ERCC4: variants seen among roughly 807,000 people sequenced by gnomAD.
The protein encoded by ERCC4 is DNA repair endonuclease XPF.
A neutral mutation model predicts 76.9 loss-of-function variants in ERCC4; 65 were observed. The observed-to-expected ratio is 0.84, with a 90% CI of 0.69 to 1.04. ERCC4 has a LOEUF of 1.04. Among genes scored for constraint, ERCC4 ranks in the 50% least tolerant of loss-of-function variants. The pLI is 0.00. For missense variants in ERCC4, 1,214 were observed against 1,128.2 expected, an observed-to-expected ratio of 1.08 and a Z score of -1.09; for synonymous variants, 463 against 410.1, an observed-to-expected ratio of 1.13 and a Z score of -1.56.
rs533954045 is a variant in ERCC4 at position 13,928,013 on chromosome 16, T to C, written c.585-15T>C. ...GAAACTCTAGAAAATTGTTGAAAAA[T>C]ATTTGTCTCTTTAGGTTCCATGTAG... On this transcript the variant is annotated splice_polypyrimidine_tract_variant and intron_variant, in intron 3 of 10. Transcript: ENST00000311895. The C allele has an allele frequency of 1.3e-6, 2 of 1,598,528 alleles. No individual in the cohort carries two copies. The highest frequency in any genetic ancestry group is 2.2e-5 in the South Asian group (2 of 90,678).
intron 2 of ERCC4, among the ~76,000 whole-genome samples, chr16:13,925,616 G>T (rs1028926398): frequency 6.6e-6 from 1 of 152,172 alleles, no homozygotes; most frequent in Non-Finnish European, 1.5e-5. Context: ...ATAAATCACT[G>T]TTAGTATTAT....
chr16:13,948,121 A>G lies in ERCC4; in HGVS notation c.2525A>G (p.Glu842Gly), dbSNP rs1184139870. 2 of 1,614,204 alleles carry G rather than the reference A, an allele frequency of 1.2e-6. No homozygotes were observed. Among genetic ancestry groups the G allele is most frequent in the South Asian group, 1.1e-5 (1 of 91,080 alleles). ...GATTCTGAAACCCTTCCCGAGTCAG[A>G]GAAGTATAATCCTGGTCCCCAAGAC... ...TADSETLPES[E>G]KYNPGPQDFL... Residue 842 changes from glutamate to glycine, a missense_variant, in exon 11 of 11, where the codon GAG (glutamate) becomes GGG (glycine). Transcript: ENST00000311895.
intron 5 of ERCC4, 103 bp downstream of exon 5, chr16:13,930,993 T>C (rs540691331): frequency 5.4e-4 from 414 of 762,144 alleles, no homozygotes; most frequent in Non-Finnish European, 8.7e-4. Context: ...AACTATATGT[T>C]ATACTGAGAT....
At chr16:13,928,983 T>C (rs1310300472) in intron 4 of ERCC4, among the ~76,000 whole-genome samples, 1 of 152,208 alleles carries the variant, frequency 6.6e-6, no homozygotes, top group Non-Finnish European at 1.5e-5. Context: ...CTTATTTCTC[T>C]GATTCTTCAA....
At chr16:13,931,076 C>A (rs911647355) in intron 5 of ERCC4, 186 bp downstream of exon 5, 2 of 613,276 alleles carry the variant, frequency 3.3e-6, no homozygotes, top group South Asian at 3.9e-5. Context: ...GCCTACTTAA[C>A]GTCTGTTCTG....
rs1214498950 is a variant in ERCC4, at chr16:13,920,191, G to C, written c.26G>C (p.Arg9Pro). MESGQPAR[R>P]IAMAPLLEYE... ...ATGGAGTCAGGGCAGCCGGCTCGAC[G>C]GATTGCCATGGCGCCGCTGCTGGAG... Residue 9 changes from arginine to proline, a missense_variant, in exon 1 of 11, where the codon CGG becomes CCG. By Grantham distance (103) the Arg-to-Pro change is moderately radical. Coordinates refer to ENST00000311895, the MANE Select transcript of ERCC4 (RefSeq NM_005236.3). The C allele has an allele frequency of 6.2e-7, 1 of 1,606,602 alleles. No homozygotes were observed. Among genetic ancestry groups the C allele is most frequent in the East Asian group, 2.2e-5 (1 of 44,884 alleles).
Position 13,920,228 on chromosome 16 carries a change from G to T in ERCC4, c.63G>T (p.Gln21His). Residue 21 changes from glutamine to histidine, a missense_variant, in exon 1 of 11, where the codon CAG becomes CAT. Transcript: ENST00000311895. ...CGCCGCTGCTGGAGTACGAGCGACA[G>T]CTGGTGCTGGAACTGCTCGACACTG... is the stretch of plus-strand genomic sequence containing the variant. The part of the protein sequence containing the change: ...AMAPLLEYER[Q>H]LVLELLDTDG... 6.2e-7 allele frequency: 1 copy of T among 1,607,920 alleles called. No individual in the cohort carries two copies. Among genetic ancestry groups the T allele is most frequent in the Non-Finnish European group, 8.5e-7 (1 of 1,179,942 alleles).
chr16:13,922,375 C>G, intron 2 of ERCC4, 164 bp downstream of exon 2: 1 of 761,758 alleles, frequency 1.3e-6, no homozygotes, highest in Non-Finnish European at 2.4e-6. Context: ...ACCCACAGGT[C>G]TAAATCTGGG....
At position 13,934,015 on chromosome 16, in the gene ERCC4, A is replaced by G. The variant is rs568133997; in HGVS notation, c.1103-177A>G. 3.3e-4 allele frequency: 181 copies of G among 552,572 alleles called. 1 individual carries two copies. The highest frequency in any genetic ancestry group is 3.1e-3 in the African/African-American group (164 of 53,070). The allele number at this position is 552,572 out of a possible 1,614,324, so 34.2% of individuals were successfully genotyped here. A position where few individuals can be genotyped will look rare whatever the true frequency, so the allele number is the denominator to read the frequency against. ...ATATTAATGGTTTGAAGTATCTTTC[A>G]TTTACACCTTAAGTAGATCTTTTTC... On this transcript the variant is annotated intron_variant, in intron 6 of 10. Transcript: ENST00000311895.
Position 13,949,394 on chromosome 16 carries a change from T to C in ERCC4, c.*1047T>C. 4.3e-6 allele frequency: 1 copy of C among 233,288 alleles called. No homozygotes were observed. The highest frequency in any genetic ancestry group is 8.5e-6 in the Non-Finnish European group (1 of 118,086). 14.5% of individuals were successfully genotyped at this position (233,288 alleles called of 1,614,324 possible). On this transcript the variant is annotated 3_prime_UTR_variant, in exon 11 of 11. Coordinates refer to ENST00000311895, the MANE Select transcript of ERCC4 (RefSeq NM_005236.3). ...CCCTGCCTGGGCGACAGAGTGAGAC[T>C]TTGTCTCTATTACAAAAAGAAAAGA...
rs2141607195 is a variant in ERCC4 at position 13,935,343 on chromosome 16, G to C, written c.1411G>C (p.Asp471His). ...TAGGAAATCTCACAAAAGACCTAAA[G>C]ACCCCCAAAACAAAGAACGGGCTTC... ...RIRKSHKRPK[D>H]PQNKERASTK... Residue 471 changes from aspartate (D) to histidine (H), a missense_variant, in exon 8 of 11, where the codon GAC (aspartate) becomes CAC (histidine). Coordinates refer to ENST00000311895, the MANE Select transcript of ERCC4 (RefSeq NM_005236.3). 6.2e-7 allele frequency: 1 copy of C among 1,611,918 alleles called. No homozygotes were observed. The highest frequency in any genetic ancestry group is 8.5e-7 in the Non-Finnish European group (1 of 1,179,488).
chr16:13,934,256 A>T lies in ERCC4; in HGVS notation c.1167A>T (p.Lys389Asn), dbSNP rs1208930192. Residue 389 changes from lysine (K) to asparagine (N), a missense_variant, in exon 7 of 11, where the codon AAA becomes AAT. Coordinates refer to ENST00000311895, the MANE Select transcript of ERCC4 (RefSeq NM_005236.3). Reference protein sequence around the residue: ...PKWEALTEVLKEIEAENKESE... With the variant: ...PKWEALTEVLNEIEAENKESE... The stretch of plus-strand genomic sequence containing the variant: ...GGGAGGCACTGACTGAAGTATTAAA[A>T]GAAATTGAGGCAGAAAATAAGGAGA... 1 of 1,613,792 alleles carries T rather than the reference A, an allele frequency of 6.2e-7. No homozygotes were observed. The highest frequency in any genetic ancestry group is 1.1e-5 in the South Asian group (1 of 91,070).
chr16:13,928,943 C>T (rs192129607), intron 4 of ERCC4, among the ~76,000 whole-genome samples: 17 of 152,134 alleles, frequency 1.1e-4, no homozygotes, highest in African/African-American at 3.4e-4. Flanking sequence ...GGCAATAATG[C>T]GTGGCGATTA....
At chr16:13,943,394 C>A (rs921254416) in intron 9 of ERCC4, among the ~76,000 whole-genome samples, 1 of 152,188 alleles carries the variant, frequency 6.6e-6, no homozygotes, top group African/African-American at 2.4e-5. Flanking sequence ...ACTTGTCCTT[C>A]TTCACATGGC....
chr16:13,923,396 G>A (rs1001375117), intron 2 of ERCC4, among the ~76,000 whole-genome samples: 19 of 150,436 alleles, frequency 1.3e-4, no homozygotes, highest in African/African-American at 4.4e-4. Flanking sequence ...TGAACTTCTG[G>A]AGGCAGAGAG....
intron 8 of ERCC4, 81 bp from the exon 9 acceptor site, chr16:13,937,685 C>T (rs2032327974): frequency 1.2e-6 from 1 of 859,642 alleles, no homozygotes; most frequent in Non-Finnish European, 2.0e-6. Flanking sequence ...CTCTAGGTTG[C>T]TGATTTCACA....
At chr16:13,922,609 G>A (rs1255132461) in intron 2 of ERCC4, 20 of 622,834 alleles carry the variant, frequency 3.2e-5, no homozygotes, top group South Asian at 1.3e-4. Flanking sequence ...GGCACAGTTC[G>A]TGCAGCAAAT....
intron 1 of ERCC4, among the ~76,000 whole-genome samples, chr16:13,921,563 A>C (rs1250134552): frequency 6.6e-6 from 1 of 152,190 alleles, no homozygotes; most frequent in African/African-American, 2.4e-5. Flanking sequence ...CTGGGGATAT[A>C]AATAAACCAA....
rs556330628 is a variant in ERCC4 at position 13,922,098 on chromosome 16, T to G, written c.275T>G (p.Ile92Ser). ...EHLPRRVTNE[I>S]TSNSRYEVYT... is the part of the protein sequence containing the mutation. Reference sequence around the variant, plus strand: ...CTCCCTCGCCGTGTAACAAATGAAATCACAAGCAACAGTCGCTATGAAGTT... The same window carrying G: ...CTCCCTCGCCGTGTAACAAATGAAAGCACAAGCAACAGTCGCTATGAAGTT... The change falls in exon 2 of 11, where the codon ATC (isoleucine) becomes AGC (serine). Residue 92 changes from isoleucine to serine, a missense_variant. By Grantham distance (142) the Ile-to-Ser change is moderately radical. Coordinates refer to ENST00000311895, the MANE Select transcript of ERCC4 (RefSeq NM_005236.3). 4 of 1,613,800 alleles carry G rather than the reference T, an allele frequency of 2.5e-6. No homozygotes were observed. In the East Asian group the frequency reaches 6.7e-5, roughly 27 times the overall value.
Sources: allele counts gnomAD v4.1 joint callset (sites outside exome capture counted in the v4.1 genomes callset), GRCh38; gene constraint gnomAD v4.1.1; transcripts MANE v1.5; gene names NCBI Gene and HGNC (gene_info 2026-07-23, HGNC 2026-07-21).